DAB1: variants seen among roughly 807,000 people sequenced by gnomAD.
The protein encoded by DAB1 is DAB adaptor protein 1.
A neutral mutation model predicts 64.6 loss-of-function variants in DAB1; 15 were observed. The observed-to-expected ratio is 0.23, with a 90% CI of 0.16 to 0.36. DAB1 has a LOEUF of 0.36. DAB1 is among the 10% of genes least tolerant of loss of function. DAB1 has a pLI of 1.00. For missense variants in DAB1, 596 were observed against 706.7 expected, an observed-to-expected ratio of 0.84 and a Z score of 1.78; for synonymous variants, 235 against 251.9, an observed-to-expected ratio of 0.93 and a Z score of 0.64.
chr1:58,405,859 C>T (rs1557750895), intron 3 of DAB1, among the ~76,000 whole-genome samples: 2 of 152,140 alleles, frequency 1.3e-5, no homozygotes, highest in African/African-American at 2.4e-5. Context: ...GGCCTCTCTG[C>T]GAACACTCCC....
chr1:57,790,388 A>G (rs537788417), intron 6 of DAB1, among the ~76,000 whole-genome samples: 1 of 152,260 alleles, frequency 6.6e-6, no homozygotes, highest in East Asian at 1.9e-4. Flanking sequence ...TTGCACCATG[A>G]CTGTAAATTT....
At chr1:57,940,014 C>T (rs906501855) in intron 5 of DAB1, among the ~76,000 whole-genome samples, 4 of 152,150 alleles carry the variant, frequency 2.6e-5, no homozygotes, top group African/African-American at 7.2e-5. Flanking sequence ...AATATGACTG[C>T]GATTTTTACA....
intron 4 of DAB1, among the ~76,000 whole-genome samples, chr1:57,128,611 T>C (rs1242206537): frequency 6.6e-6 from 1 of 152,162 alleles, no homozygotes; most frequent in Non-Finnish European, 1.5e-5. Flanking sequence ...CATATGACCC[T>C]TGGTTTTCAG....
At chr1:57,533,382 A>G (rs756980894) in intron 7 of DAB1, among the ~76,000 whole-genome samples, 3 of 151,938 alleles carry the variant, frequency 2.0e-5, no homozygotes, top group Non-Finnish European at 4.4e-5. Flanking sequence ...GAAAGCATTA[A>G]AGTTTAATGA....
chr1:58,192,639 G>A (rs561809501), intron 4 of DAB1, among the ~76,000 whole-genome samples: 2 of 152,102 alleles, frequency 1.3e-5, no homozygotes, highest in Non-Finnish European at 1.5e-5. Context: ...GTGCGTGTGT[G>A]TATGTGTATA....
chr1:57,688,262 C>T (rs1646724457), intron 6 of DAB1, among the ~76,000 whole-genome samples: 1 of 152,044 alleles, frequency 6.6e-6, no homozygotes, highest in Non-Finnish European at 1.5e-5. Flanking sequence ...AGGACATAAA[C>T]AGACACTTCT....
chr1:57,888,125 G>T (rs1387692593), upstream of DAB1, among the ~76,000 whole-genome samples: 1 of 152,158 alleles, frequency 6.6e-6, no homozygotes, highest in Non-Finnish European at 1.5e-5. Flanking sequence ...GACATTGGAT[G>T]ATTAATGCTA....
At chr1:58,409,988 C>T (rs1435201340) in intron 3 of DAB1, among the ~76,000 whole-genome samples, 1 of 152,150 alleles carries the variant, frequency 6.6e-6, no homozygotes, top group Non-Finnish European at 1.5e-5. Flanking sequence ...AGAACCTGTA[C>T]TTCCCCACAC....
chr1:58,438,865 C>A lies in DAB1; in HGVS notation n.257+67195G>T, dbSNP rs542048252. Among the ~76,000 whole-genome samples, 3 of 152,322 alleles carry A rather than the reference C, an allele frequency of 2.0e-5. No homozygotes were observed. In the South Asian group the frequency reaches 6.2e-4, roughly 32 times the overall value. On this transcript the variant is annotated intron_variant and non_coding_transcript_variant, in intron 3 of 20. Coordinates refer to the DAB1 transcript ENST00000485760. ...CTTTCTCCTGCTTCTGTCGCTTTCACCTGAGAATACTTGGAGCAGAAACCA... is the reference window on the plus strand; with the variant it reads ...CTTTCTCCTGCTTCTGTCGCTTTCAACTGAGAATACTTGGAGCAGAAACCA...
At chr1:57,755,811 C>G (rs1446196711) in intron 6 of DAB1, among the ~76,000 whole-genome samples, 1 of 152,154 alleles carries the variant, frequency 6.6e-6, no homozygotes, top group Non-Finnish European at 1.5e-5. Context: ...ACGTACAGAG[C>G]TCTGATCCTT....
At chr1:57,210,708 G>T (rs1384787076) in intron 2 of DAB1, among the ~76,000 whole-genome samples, 1 of 152,180 alleles carries the variant, frequency 6.6e-6, no homozygotes, top group East Asian at 1.9e-4. Flanking sequence ...AGGCCATGTA[G>T]TTGCAATCGA....
chr1:57,036,040 G>C (rs369588375), intron 9 of DAB1, among the ~76,000 whole-genome samples: 1 of 151,642 alleles, frequency 6.6e-6, no homozygotes, highest in Non-Finnish European at 1.5e-5. Context: ...ACGGGGTTTT[G>C]CCAGTTTGGC....
intron 2 of DAB1, among the ~76,000 whole-genome samples, chr1:57,199,502 T>C (rs911338455): frequency 1.3e-5 from 2 of 152,078 alleles, no homozygotes; most frequent in African/African-American, 2.4e-5. Context: ...CTGGGGGAAA[T>C]GTAACCATAG....
At chr1:57,355,919 C>CAA (rs869246021) in intron 1 of DAB1, among the ~76,000 whole-genome samples, 1 of 135,624 alleles carries the variant, frequency 7.4e-6, no homozygotes, top group Admixed American at 7.3e-5. Context: ...CACACACACA[C>CAA]AAAATGTCCT....
chr1:57,597,365 G>A (rs2101579814), intron 7 of DAB1, among the ~76,000 whole-genome samples: 1 of 152,284 alleles, frequency 6.6e-6, no homozygotes, highest in African/African-American at 2.4e-5. Context: ...AGTCAACCAG[G>A]GGAAAAATTC....
At chr1:57,764,615 G>A (rs780065353) in intron 6 of DAB1, among the ~76,000 whole-genome samples, 17 of 152,094 alleles carry the variant, frequency 1.1e-4, no homozygotes, top group Non-Finnish European at 2.4e-4. Context: ...AGTATACTCT[G>A]TTCTACTTTT....
chr1:57,578,514 G>A (rs1645276610), intron 7 of DAB1, among the ~76,000 whole-genome samples: 1 of 152,178 alleles, frequency 6.6e-6, no homozygotes, highest in African/African-American at 2.4e-5. Context: ...GTTCCAGAGG[G>A]CACACGCCTG....
Position 58,394,541 on chromosome 1 carries a change from A to G in DAB1, n.258-51138T>C, listed in dbSNP as rs566745338. 3.3e-5 allele frequency among the ~76,000 whole-genome samples: 5 copies of G among 152,354 alleles called. No homozygotes were observed. The East Asian group carries it at 5.8e-4, about 18-fold the overall frequency. ...GTGGGAAAGATGGTCTTTTAATTAA[A>G]TGGTGCTGGAACAACTGGATAACTA... On this transcript the variant is annotated intron_variant and non_coding_transcript_variant, in intron 3 of 20. Transcript: ENST00000485760.
intron 14 of DAB1, among the ~76,000 whole-genome samples, chr1:57,002,624 C>T (rs915271229): frequency 5.9e-5 from 9 of 152,194 alleles, no homozygotes; most frequent in African/African-American, 2.2e-4. Flanking sequence ...CTGTGTTCAG[C>T]CATGATGACC....
Sources: gnomAD v4.1 joint callset for allele counts (sites outside exome capture counted in the v4.1 genomes callset) on GRCh38, gnomAD v4.1.1 for gene constraint, MANE v1.5 for transcripts, NCBI Gene and HGNC (gene_info 2026-07-23, HGNC 2026-07-21) for gene names.